The following KIRREL3 variants were observed in gnomAD, a reference collection of about 807,000 sequenced individuals.
KIRREL3 encodes kin of IRRE-like protein 3.
Under a neutral mutation model 89.7 loss-of-function variants are expected in KIRREL3, and 36 were observed. That is an observed-to-expected ratio of 0.40 (90% CI 0.31 to 0.53). KIRREL3 has a LOEUF of 0.53. KIRREL3 is among the 20% of genes least tolerant of loss of function. The pLI, the probability that KIRREL3 is intolerant of heterozygous loss-of-function variation, is 0.49. For missense variants in KIRREL3, 864 were observed against 1,056.6 expected, an observed-to-expected ratio of 0.82 and a Z score of 2.53; for synonymous variants, 445 against 441.4, an observed-to-expected ratio of 1.01 and a Z score of -0.10.
rs574200603 is a variant in KIRREL3 at position 126,891,865 on chromosome 11, A to T, written c.55+108590T>A. Among the ~76,000 whole-genome samples, 16 of 152,320 alleles carry T rather than the reference A, an allele frequency of 1.1e-4. No homozygotes were observed. The South Asian group carries it at 2.1e-3, about 20-fold the overall frequency. On this transcript the variant is annotated intron_variant, in intron 1 of 16. Coordinates refer to ENST00000525144, the MANE Select transcript of KIRREL3 (RefSeq NM_032531.4). This position sits in a 1 kb window ranked among gnomAD's most constrained non-coding sequence, Gnocchi z 5.1. ...GGGACAGAGGAGTGTGGTCCTTGGG[A>T]CATCTAGCCCAGGGAAAGAAATCTT...
At chr11:126,749,038 C>T (rs1473208665) in intron 1 of KIRREL3, among the ~76,000 whole-genome samples, 1 of 152,158 alleles carries the variant, frequency 6.6e-6, no homozygotes, top group Non-Finnish European at 1.5e-5. Flanking sequence ...CTCCAGGTGG[C>T]AGGGGGTTGC....
chr11:126,897,067 C>T lies in KIRREL3; in HGVS notation c.55+103388G>A, dbSNP rs943791311. Reference sequence around the variant, plus strand: ...CTCCTCTCTCTTCCCTGCTCTTCCTCTTATCCAAGTTATTAAAATACGAAA... The same window carrying T: ...CTCCTCTCTCTTCCCTGCTCTTCCTTTTATCCAAGTTATTAAAATACGAAA... On this transcript the variant is annotated intron_variant, in intron 1 of 16. Coordinates refer to ENST00000525144, the MANE Select transcript of KIRREL3 (RefSeq NM_032531.4). The surrounding 1 kb of genome is among the most constrained non-coding windows in gnomAD (Gnocchi z 4.2). 6.6e-6 allele frequency among the ~76,000 whole-genome samples: 1 copy of T among 152,166 alleles called. No homozygotes were observed. Among genetic ancestry groups the T allele is most frequent in the Non-Finnish European group, 1.5e-5 (1 of 68,026 alleles).
chr11:126,559,271 T>G (rs1006881000), intron 2 of KIRREL3, among the ~76,000 whole-genome samples: 2 of 152,208 alleles, frequency 1.3e-5, no homozygotes, highest in Admixed American at 1.3e-4. Flanking sequence ...GCGCTCCTTT[T>G]CAATACCTAC....
chr11:126,725,714 G>A (rs1311360273), intron 1 of KIRREL3, among the ~76,000 whole-genome samples: 2 of 152,166 alleles, frequency 1.3e-5, no homozygotes, highest in Non-Finnish European at 2.9e-5. Context: ...GGCTGCTGCT[G>A]GGGTGGATGT....
chr11:126,834,104 A>G (rs1473736321), intron 1 of KIRREL3, among the ~76,000 whole-genome samples: 2 of 152,224 alleles, frequency 1.3e-5, no homozygotes, highest in African/African-American at 4.8e-5. Context: ...TAGCCTAAAT[A>G]TCACCAAAAT....
At chr11:126,478,606 CATGTAT>C (rs1283879256) in intron 4 of KIRREL3, among the ~76,000 whole-genome samples, 1 of 143,152 alleles carries the variant, frequency 7.0e-6, no homozygotes, top group Admixed American at 7.5e-5. Flanking sequence ...TATGTATATG[CATGTAT>C]ATGTGTGTAT....
chr11:126,777,147 A>G (rs1233233690), intron 1 of KIRREL3, among the ~76,000 whole-genome samples: 1 of 152,148 alleles, frequency 6.6e-6, no homozygotes, highest in Non-Finnish European at 1.5e-5. Flanking sequence ...TAATTGCTGG[A>G]TTGCAATGCC....
In KIRREL3 at chr11:126,466,212, T is replaced by C. The variant is rs147483617; in HGVS notation, c.592-2905A>G. Reference sequence around the variant, plus strand: ...TCCAGGCGTGTGCTTTTCTGGGAAATAAAAATTCTGGTTCAAGTTGTTTGT... The same window carrying C: ...TCCAGGCGTGTGCTTTTCTGGGAAACAAAAATTCTGGTTCAAGTTGTTTGT... On this transcript the variant is annotated intron_variant, in intron 5 of 16. Coordinates refer to ENST00000525144, the MANE Select transcript of KIRREL3 (RefSeq NM_032531.4). Among the ~76,000 whole-genome samples the C allele has an allele frequency of 2.0e-3, 305 of 152,238 alleles. 3 individuals are homozygous for C. The highest frequency in any genetic ancestry group is 6.8e-3 in the African/African-American group (281 of 41,546).
rs577015524 is a variant in KIRREL3, at chr11:126,651,577, C to A, written c.56-88665G>T. ...TTCAAATAAGTGGCAGCAGTTCATG[C>A]ATAATTACTTCTGAATTATCTAGGG... On this transcript the variant is annotated intron_variant, in intron 1 of 16. Coordinates refer to ENST00000525144, the MANE Select transcript of KIRREL3 (RefSeq NM_032531.4). This position sits in a 1 kb window ranked among gnomAD's most constrained non-coding sequence, Gnocchi z 4.6. 1.9e-4 allele frequency among the ~76,000 whole-genome samples: 29 copies of A among 152,260 alleles called. No homozygotes were observed. Among genetic ancestry groups the A allele is most frequent in the Admixed American group, 1.0e-3 (16 of 15,298 alleles).
In KIRREL3 at chr11:126,693,907, C is replaced by T. The variant is rs572327668; in HGVS notation, c.56-130995G>A. Among the ~76,000 whole-genome samples the T allele has an allele frequency of 6.6e-5, 10 of 152,348 alleles. No homozygotes were observed. The South Asian group carries it at 2.1e-3, about 32-fold the overall frequency. Reference sequence around the variant, plus strand: ...TTCGGGCTCAGCCTCCTAGTCCTTGCCCCTTCCCCAGATCCCACCCCTGTC... The same window carrying T: ...TTCGGGCTCAGCCTCCTAGTCCTTGTCCCTTCCCCAGATCCCACCCCTGTC... On this transcript the variant is annotated intron_variant, in intron 1 of 16. Coordinates refer to ENST00000525144, the MANE Select transcript of KIRREL3 (RefSeq NM_032531.4).
In KIRREL3 at chr11:126,860,968, C is replaced by T. The variant is rs1379486603; in HGVS notation, c.55+139487G>A. On this transcript the variant is annotated intron_variant, in intron 1 of 16. Transcript: ENST00000525144. This position sits in a 1 kb window ranked among gnomAD's most constrained non-coding sequence, Gnocchi z 4.6. ...GTGCTACCAGAGGCAAACAAATTCT[C>T]CCTCCTTTGTGCCCTCCTGCTTTAT... Among the ~76,000 whole-genome samples the T allele has an allele frequency of 6.6e-6, 1 of 152,196 alleles. No individual in the cohort carries two copies. Among genetic ancestry groups the T allele is most frequent in the Non-Finnish European group, 1.5e-5 (1 of 68,032 alleles).
At chr11:126,618,471 G>A (rs1348274277) in intron 1 of KIRREL3, among the ~76,000 whole-genome samples, 1 of 152,034 alleles carries the variant, frequency 6.6e-6, no homozygotes, top group Admixed American at 6.6e-5. Flanking sequence ...TCTGTCATCT[G>A]TCACCCAGGT....
At position 126,912,105 on chromosome 11, in the gene KIRREL3, C is replaced by T. The variant is rs1946846962; in HGVS notation, c.55+88350G>A. 6.6e-6 allele frequency among the ~76,000 whole-genome samples: 1 copy of T among 152,116 alleles called. No homozygotes were observed. Reference sequence around the variant, plus strand: ...AGAGCCCCAAATCGTCCTTCAGACCCCTGGCAGTCTGGAAGCCTAGATGTC... The same window carrying T: ...AGAGCCCCAAATCGTCCTTCAGACCTCTGGCAGTCTGGAAGCCTAGATGTC... On this transcript the variant is annotated intron_variant, in intron 1 of 16. Transcript: ENST00000525144. The surrounding 1 kb of genome is among the most constrained non-coding windows in gnomAD (Gnocchi z 4.7).
At chr11:126,548,418 C>A (rs963106881) in intron 2 of KIRREL3, among the ~76,000 whole-genome samples, 3 of 152,218 alleles carry the variant, frequency 2.0e-5, no homozygotes, top group Non-Finnish European at 4.4e-5. Flanking sequence ...ACAACACCCT[C>A]ACCCAGCAGC....
intron 1 of KIRREL3, among the ~76,000 whole-genome samples, chr11:126,967,765 C>G (rs1040406930): frequency 3.9e-5 from 6 of 152,110 alleles, no homozygotes; most frequent in African/African-American, 1.2e-4. Flanking sequence ...CCACTCCCTC[C>G]CTGGGTACAC....
At chr11:126,863,603 GTGTT>G (rs1230806984) in intron 1 of KIRREL3, among the ~76,000 whole-genome samples, 1 of 77,094 alleles carries the variant, frequency 1.3e-5, no homozygotes, top group Non-Finnish European at 2.4e-5. Flanking sequence ...GAGTGCGTGT[GTGTT>G]TGCGTGCGTG....
intron 1 of KIRREL3, among the ~76,000 whole-genome samples, chr11:126,839,518 G>T (rs2134516908): frequency 6.6e-6 from 1 of 152,270 alleles, no homozygotes; most frequent in East Asian, 1.9e-4. Context: ...TCCTGATCAG[G>T]GAGGAGAGGA....
intron 1 of KIRREL3, among the ~76,000 whole-genome samples, chr11:126,821,322 A>G (rs1943208769): frequency 1.2e-5 from 1 of 84,680 alleles, no homozygotes; most frequent in Non-Finnish European, 2.1e-5. Flanking sequence ...GTCAACGGAT[A>G]AACACAGTAT....
chr11:126,745,060 C>A (rs1229909439), intron 1 of KIRREL3, among the ~76,000 whole-genome samples: 1 of 152,134 alleles, frequency 6.6e-6, no homozygotes, highest in Admixed American at 6.5e-5. Flanking sequence ...CACCACTGGG[C>A]ACCTCCTTCC....
Sources: gnomAD v4.1 joint callset for allele counts (sites outside exome capture counted in the v4.1 genomes callset) on GRCh38, gnomAD v4.1.1 for gene constraint, Gnocchi (gnomAD v3.1) non-coding constraint, MANE v1.5 for transcripts, NCBI Gene and HGNC (gene_info 2026-07-23, HGNC 2026-07-21) for gene names.